TXNDC11: variants seen among roughly 807,000 people sequenced by gnomAD.
TXNDC11 encodes thioredoxin domain containing 11.
TXNDC11 carries 68 observed loss-of-function variants against 78.0 expected under a neutral mutation model. That is an observed-to-expected ratio of 0.87 (90% CI 0.72 to 1.07). The LOEUF (loss-of-function observed/expected upper bound fraction) is 1.07. Ranked by LOEUF, TXNDC11 falls within the 50% of genes least tolerant of loss-of-function variation. The probability of loss-of-function intolerance (pLI) is 0.00; values close to 1 mark genes in which losing one functional copy is unlikely to be tolerated. For synonymous variants in TXNDC11, 571 were observed against 495.2 expected, an observed-to-expected ratio of 1.15 and a Z score of -2.03; for missense variants, 1,389 against 1,221.8, an observed-to-expected ratio of 1.14 and a Z score of -2.04.
chr16:11,722,569 G>C (rs1016417452), intron 4 of TXNDC11, among the ~76,000 whole-genome samples: 1 of 152,130 alleles, frequency 6.6e-6, no homozygotes, highest in Admixed American at 6.5e-5. Flanking sequence ...CTGAGATCTA[G>C]TGGCTGAATG....
At chr16:11,711,351 A>G (rs1171688355) in intron 5 of TXNDC11, among the ~76,000 whole-genome samples, 1 of 152,142 alleles carries the variant, frequency 6.6e-6, no homozygotes, top group Non-Finnish European at 1.5e-5. Context: ...GATGTATTTT[A>G]AAGTTCTGGA....
intron 3 of TXNDC11, among the ~76,000 whole-genome samples, chr16:11,731,895 C>G (rs1185554077): frequency 6.6e-6 from 1 of 152,180 alleles, no homozygotes; most frequent in Non-Finnish European, 1.5e-5. Context: ...CCACCACCAA[C>G]CCCATCAACC....
chr16:11,700,642 G>C, intron 5 of TXNDC11, 78 bp from the exon 6 acceptor site: 1 of 716,130 alleles, frequency 1.4e-6, no homozygotes, highest in Non-Finnish European at 2.5e-6. Context: ...ATCAAGTCTT[G>C]AAGCACAAAC....
intron 7 of TXNDC11, among the ~76,000 whole-genome samples, chr16:11,693,457 C>CTGTG (rs146263426): frequency 2.6e-5 from 4 of 150,946 alleles, no homozygotes; most frequent in South Asian, 2.1e-4. Flanking sequence ...TTTTGTTTCG[C>CTGTG]TGTGTGTGTG....
chr16:11,680,346 G>T lies in TXNDC11; in HGVS notation c.2235-509C>A, dbSNP rs1441313992. Among the ~76,000 whole-genome samples the T allele has an allele frequency of 3.3e-5, 5 of 152,220 alleles. No homozygotes were observed. The East Asian group carries it at 7.7e-4, about 23-fold the overall frequency. On this transcript the variant is annotated intron_variant, in intron 11 of 11. Transcript: ENST00000283033. ...TTATTACACATTCTCTAAGGCAGGG[G>T]TTCTCAACTGGGGGTGACTGTACCC...
At chr16:11,726,107 T>C (rs1000349308) in intron 4 of TXNDC11, among the ~76,000 whole-genome samples, 1 of 152,156 alleles carries the variant, frequency 6.6e-6, no homozygotes, top group Non-Finnish European at 1.5e-5. Context: ...CTTGAATTCC[T>C]GGCTTCCAGC....
chr16:11,691,048 AC>A (rs2050699909), intron 8 of TXNDC11: 1 of 526,360 alleles, frequency 1.9e-6, no homozygotes, highest in Non-Finnish European at 3.4e-6. Context: ...TGGGACTCTT[AC>A]CCCCACCATG....
intron 7 of TXNDC11, among the ~76,000 whole-genome samples, chr16:11,693,055 T>TC: frequency 6.6e-6 from 1 of 152,196 alleles, no homozygotes; most frequent in South Asian, 2.1e-4. Flanking sequence ...TGCTGAGACA[T>TC]CCCTCTTCCC....
intron 5 of TXNDC11, among the ~76,000 whole-genome samples, chr16:11,718,271 TA>T (rs144863482): frequency 6.6e-6 from 1 of 151,688 alleles, no homozygotes; most frequent in Admixed American, 6.6e-5. Context: ...TAAGACAATT[TA>T]AAAAAAAATC....
chr16:11,683,328 G>A (rs1315433850), intron 11 of TXNDC11, among the ~76,000 whole-genome samples: 2 of 152,192 alleles, frequency 1.3e-5, no homozygotes, highest in African/African-American at 4.8e-5. Flanking sequence ...CCATCCCATG[G>A]CGGACGTTCA....
At chr16:11,714,353 C>A (rs1410129837) in intron 5 of TXNDC11, among the ~76,000 whole-genome samples, 1 of 152,134 alleles carries the variant, frequency 6.6e-6, no homozygotes, top group Non-Finnish European at 1.5e-5. Context: ...TAAAATCTCA[C>A]CATCTGGCCG....
intron 6 of TXNDC11, 140 bp downstream of exon 6, chr16:11,700,312 G>A: frequency 2.2e-6 from 1 of 444,492 alleles, no homozygotes. Flanking sequence ...GGGGCTGTAA[G>A]AACTCTCCAT....
rs747437205 is a variant in TXNDC11 at position 11,742,545 on chromosome 16, C to A, written c.186G>T (p.Arg62=). The A allele has an allele frequency of 6.9e-7, 1 of 1,456,268 alleles. No individual in the cohort carries two copies. Among genetic ancestry groups the A allele is most frequent in the South Asian group, 1.3e-5 (1 of 75,220 alleles). 90.2% of individuals were successfully genotyped at this position (1,456,268 alleles called of 1,614,324 possible). ...CCACGGCCCCGCAGAGCAGCTCCGG[C>A]CGCTGGCGCGCCATGAGGAAGGCGC... is the stretch of plus-strand genomic sequence containing the variant. ...LRGAFLMARQ[R]PELLCGAVAL... Residue 62 remains arginine (R), a synonymous_variant, in exon 1 of 12, where the codon CGG becomes CGT. Transcript: ENST00000283033.
chr16:11,703,626 G>A, intron 5 of TXNDC11: 1 of 700,026 alleles, frequency 1.4e-6, no homozygotes, highest in East Asian at 2.7e-5. Flanking sequence ...TCTATCTACT[G>A]AGAAGACCTA....
intron 4 of TXNDC11, among the ~76,000 whole-genome samples, chr16:11,726,776 G>A (rs543017491): frequency 6.6e-4 from 100 of 152,042 alleles, no homozygotes; most frequent in Middle Eastern, 3.4e-3. Context: ...TTACGTCAGC[G>A]GGGCACAGTG....
At chr16:11,684,033 G>C in intron 11 of TXNDC11, 132 bp downstream of exon 11, 1 of 606,544 alleles carries the variant, frequency 1.6e-6, no homozygotes, top group Non-Finnish European at 3.0e-6. Context: ...TTACAGGCAT[G>C]AGCCACCACG....
chr16:11,685,441 C>A (rs550212440), intron 10 of TXNDC11, among the ~76,000 whole-genome samples: 1 of 151,996 alleles, frequency 6.6e-6, no homozygotes, highest in Non-Finnish European at 1.5e-5. Context: ...GTCAGGTGAT[C>A]GAGACCATCC....
rs747176966 is a variant in TXNDC11 at position 11,718,718 on chromosome 16, GAATT to G, written c.793+2855_793+2858del. The stretch of plus-strand genomic sequence containing the variant: ...AAAATGGGGTGAAAAGGATTAATTA[GAATT>G]AATTAATTAATTAATCTCAGCTCCT... On this transcript the variant is annotated intron_variant, in intron 5 of 11. Transcript: ENST00000283033. Among the ~76,000 whole-genome samples, 38 of 152,168 alleles carry G rather than the reference GAATT, an allele frequency of 2.5e-4. No homozygotes were observed. In the East Asian group the frequency reaches 3.5e-3, roughly 14 times the overall value.
At chr16:11,734,258 T>C (rs1463873917) in intron 2 of TXNDC11, among the ~76,000 whole-genome samples, 179 bp from the exon 3 acceptor site, 2 of 152,196 alleles carry the variant, frequency 1.3e-5, no homozygotes, top group Non-Finnish European at 2.9e-5. Context: ...AAGAAAGACA[T>C]ACTCTTATCT....
Sources: gnomAD v4.1 joint callset for allele counts (sites outside exome capture counted in the v4.1 genomes callset) on GRCh38, gnomAD v4.1.1 for gene constraint, MANE v1.5 for transcripts, NCBI Gene and HGNC (gene_info 2026-07-23, HGNC 2026-07-21) for gene names.